PRLR: variants seen among roughly 807,000 people sequenced by gnomAD.
PRLR encodes prolactin receptor.
PRLR carries 13 observed loss-of-function variants against 40.2 expected under a neutral mutation model. That is an observed-to-expected ratio of 0.32 (90% confidence interval 0.21 to 0.51). PRLR has a LOEUF of 0.51. Ranked by LOEUF, PRLR falls within the 20% of genes least tolerant of loss-of-function variation. The pLI is 0.97. For synonymous variants in PRLR, 269 were observed against 278.7 expected, an observed-to-expected ratio of 0.97 and a Z score of 0.35; for missense variants, 656 against 747.3, an observed-to-expected ratio of 0.88 and a Z score of 1.42.
downstream of PRLR, among the ~76,000 whole-genome samples, chr5:35,053,468 C>T (rs1310492080): frequency 6.6e-6 from 1 of 152,168 alleles, no homozygotes; most frequent in African/African-American, 2.4e-5. Context: ...ACCTGCACAA[C>T]ATGGCAAAAC....
chr5:35,067,152 G>T (rs1459324806), intron 9 of PRLR, among the ~76,000 whole-genome samples: 1 of 152,178 alleles, frequency 6.6e-6, no homozygotes, highest in Non-Finnish European at 1.5e-5. Context: ...TGGACAAGCT[G>T]CTCTCTGAAC....
intron 5 of PRLR, among the ~76,000 whole-genome samples, chr5:35,073,076 G>A (rs191317205): frequency 5.6e-4 from 86 of 152,324 alleles, no homozygotes; most frequent in African/African-American, 2.0e-3. Flanking sequence ...GCTGGGATTT[G>A]CAAGTGGGAG....
chr5:35,111,358 T>C (rs1176715901), intron 2 of PRLR, among the ~76,000 whole-genome samples: 2 of 152,220 alleles, frequency 1.3e-5, no homozygotes, highest in African/African-American at 4.8e-5. Context: ...AACACTGAGT[T>C]TGTAAACACT....
At chr5:35,192,448 G>A (rs1044942376) in intron 1 of PRLR, among the ~76,000 whole-genome samples, 4 of 152,196 alleles carry the variant, frequency 2.6e-5, no homozygotes, top group African/African-American at 9.7e-5. Flanking sequence ...ACCCACCAGT[G>A]TGGGTAGAAA....
At chr5:35,049,191 A>G (rs1176727507) in exon 9 of PRLR, 5 of 700,936 alleles carry the variant, frequency 7.1e-6, no homozygotes, top group Admixed American at 4.0e-5. Flanking sequence ...AGGCCAGTGG[A>G]CACACAGCAT....
In PRLR at chr5:35,065,867, C is replaced by T. The variant is rs1410224544; in HGVS notation, c.1091G>A (p.Cys364Tyr). 3.1e-6 allele frequency: 5 copies of T among 1,614,002 alleles called. No individual in the cohort carries two copies. Among genetic ancestry groups the T allele is most frequent in the African/African-American group, 2.7e-5 (2 of 74,908 alleles). ...GGAGGGATTGGCCTGGGGTTCCTCA[C>T]ACTTTTCAGACAAAAGGGAAGGGCT... ...CDSPSLLSEKCEEPQANPSTF... is the reference protein window; with the variant it reads ...CDSPSLLSEKYEEPQANPSTF... Residue 364 changes from cysteine to tyrosine, a missense_variant, in exon 10 of 10, where the codon TGT becomes TAT. Physicochemically the swap from Cys to Tyr is radical, Grantham distance 194 (BLOSUM62 -2). Transcript: ENST00000618457.
At chr5:35,135,275 A>G (rs527643094) in intron 1 of PRLR, 2 of 152,424 alleles carry the variant, frequency 1.3e-5, no homozygotes, top group Admixed American at 6.5e-5. Context: ...AGGGCACAAG[A>G]CACAAACCAG....
chr5:35,080,666 G>A (rs943448841), intron 5 of PRLR, among the ~76,000 whole-genome samples: 9 of 152,112 alleles, frequency 5.9e-5, no homozygotes, highest in African/African-American at 1.2e-4. Context: ...TAGAAATACC[G>A]TTTGACCCAG....
At chr5:35,068,995 G>A in intron 7 of PRLR, 117 bp from the exon 8 acceptor site, 1 of 669,598 alleles carries the variant, frequency 1.5e-6, no homozygotes, top group Non-Finnish European at 2.6e-6. Context: ...ATATTTTTTT[G>A]ATTTGAACAG....
rs139519560 is a variant in PRLR at position 35,131,243 on chromosome 5, T to C, written c.-105-13121A>G. On this transcript the variant is annotated intron_variant, in intron 1 of 9. Coordinates refer to ENST00000618457, the MANE Select transcript of PRLR (RefSeq NM_000949.7). Reference sequence around the variant, plus strand: ...AAAAGTTGGATGGTATGGGATTTTGTTGGCCTAATGTGGACACAGCACATG... The same window carrying C: ...AAAAGTTGGATGGTATGGGATTTTGCTGGCCTAATGTGGACACAGCACATG... Among the ~76,000 whole-genome samples, 6 of 152,344 alleles carry C rather than the reference T, an allele frequency of 3.9e-5. 1 individual carries two copies. The East Asian group carries it at 1.2e-3, about 29-fold the overall frequency.
intron 1 of PRLR, among the ~76,000 whole-genome samples, chr5:35,181,522 A>G (rs1256345752): frequency 6.6e-6 from 1 of 152,212 alleles, no homozygotes; most frequent in Non-Finnish European, 1.5e-5. Flanking sequence ...AGACTACGTT[A>G]TTCTTTTAGA....
In PRLR at chr5:35,118,092, G is replaced by A; in HGVS notation, c.-75C>T. Reference sequence around the variant, plus strand: ...GGTTCATGTGGAAAGCATCCTCAGTGTTCGCCTCCATGAATAGGAGAGTTC... The same window carrying A: ...GGTTCATGTGGAAAGCATCCTCAGTATTCGCCTCCATGAATAGGAGAGTTC... On this transcript the variant is annotated 5_prime_UTR_variant, in exon 2 of 10. Transcript: ENST00000618457. The A allele has an allele frequency of 1.0e-6, 1 of 985,680 alleles. No individual in the cohort carries two copies. The highest frequency in any genetic ancestry group is 1.2e-6 in the Non-Finnish European group (1 of 829,818). 61.1% of individuals were successfully genotyped at this position (985,680 alleles called of 1,614,324 possible).
chr5:35,140,486 T>A (rs1323011631), intron 1 of PRLR, among the ~76,000 whole-genome samples: 1 of 152,206 alleles, frequency 6.6e-6, no homozygotes, highest in Non-Finnish European at 1.5e-5. Context: ...TTTGAACACT[T>A]CTTGGTTGGG....
At chr5:35,163,875 G>A (rs1268012405) in intron 1 of PRLR, among the ~76,000 whole-genome samples, 7 of 152,216 alleles carry the variant, frequency 4.6e-5, no homozygotes, top group African/African-American at 1.4e-4. Context: ...TAGAAGCAGT[G>A]TACTAGAGAC....
intron 1 of PRLR, among the ~76,000 whole-genome samples, chr5:35,196,568 G>A (rs1775742703): frequency 6.6e-6 from 1 of 152,164 alleles, no homozygotes; most frequent in Non-Finnish European, 1.5e-5. Context: ...ATGAGCACAA[G>A]CAGGACAAGA....
chr5:35,213,707 C>G (rs1345911720), intron 1 of PRLR, among the ~76,000 whole-genome samples: 1 of 152,212 alleles, frequency 6.6e-6, no homozygotes. Context: ...ACAAGTGGCA[C>G]ACAGCTACTC....
At chr5:35,109,186 C>G (rs1236618646) in intron 2 of PRLR, among the ~76,000 whole-genome samples, 1 of 152,176 alleles carries the variant, frequency 6.6e-6, no homozygotes, top group African/African-American at 2.4e-5. Flanking sequence ...GAAACTGGAT[C>G]CCTTCCTTAC....
chr5:35,106,231 A>G (rs1772239220), intron 2 of PRLR, among the ~76,000 whole-genome samples: 1 of 152,220 alleles, frequency 6.6e-6, no homozygotes, highest in African/African-American at 2.4e-5. Flanking sequence ...AGGAAGCACT[A>G]AACATGGGAA....
At chr5:35,052,772 A>T (rs765941103), downstream of PRLR, among the ~76,000 whole-genome samples, 1 of 152,216 alleles carries the variant, frequency 6.6e-6, no homozygotes, top group African/African-American at 2.4e-5. Flanking sequence ...GGTGAGAGGC[A>T]TTCCTACACA....
Sources: allele counts gnomAD v4.1 joint callset (sites outside exome capture counted in the v4.1 genomes callset), GRCh38; gene constraint gnomAD v4.1.1; transcripts MANE v1.5; gene names NCBI Gene and HGNC (gene_info 2026-07-23, HGNC 2026-07-21).